The following SORCS2 variants were observed in gnomAD, a reference collection of about 807,000 sequenced individuals.
SORCS2 encodes VPS10 domain-containing receptor SorCS2.
Under a neutral mutation model 141.6 loss-of-function variants are expected in SORCS2, and 100 were observed. The observed-to-expected ratio is 0.71, with a 90% CI of 0.60 to 0.83. The LOEUF is 0.83. Ranked by LOEUF, SORCS2 falls within the 40% of genes least tolerant of loss-of-function variation. The pLI, the probability that SORCS2 is intolerant of heterozygous loss-of-function variation, is 0.00. For synonymous variants in SORCS2, 789 were observed against 676.9 expected (o/e 1.17, Z -2.57); for missense variants, 1,646 against 1,560.2 (o/e 1.05, Z -0.93).
At chr4:7,657,191 G>C (rs13145054) in intron 5 of SORCS2, among the ~76,000 whole-genome samples, 84,388 of 152,266 alleles carry the variant, frequency 0.55, 27,082 homozygotes, top group Non-Finnish European at 0.71. Flanking sequence ...GCTGTGGGAA[G>C]TGCTCAGAGC....
chr4:7,712,619 T>C lies in SORCS2; in HGVS notation c.1869-114T>C, dbSNP rs547926679. The C allele has an allele frequency of 1.4e-5, 20 of 1,452,476 alleles. No individual in the cohort carries two copies. The Admixed American group carries it at 2.1e-4, about 16-fold the overall frequency. The allele number at this position is 1,452,476 out of a possible 1,614,324, so 90.0% of individuals were successfully genotyped here. On this transcript the variant is annotated intron_variant, in intron 14 of 26. Coordinates refer to ENST00000507866, the MANE Select transcript of SORCS2 (RefSeq NM_020777.3). ...ATCTCCAGCAAGGGCAGGAGAAGGA[T>C]ATCTGTGCCCATGGTACAGGTAGGA...
chr4:7,615,123 TG>T (rs1455419025), intron 3 of SORCS2, among the ~76,000 whole-genome samples: 1 of 152,236 alleles, frequency 6.6e-6, no homozygotes, highest in Non-Finnish European at 1.5e-5. Flanking sequence ...GTCCTCCATC[TG>T]TTCATCCATC....
chr4:7,451,011 A>C (rs984161447), intron 2 of SORCS2, among the ~76,000 whole-genome samples: 2 of 150,888 alleles, frequency 1.3e-5, no homozygotes, highest in Non-Finnish European at 2.9e-5. Context: ...GGAGTGAATG[A>C]ATGAGGAAGT....
chr4:7,208,617 G>T (rs1235212358), intron 1 of SORCS2, among the ~76,000 whole-genome samples: 1 of 152,186 alleles, frequency 6.6e-6, no homozygotes, highest in African/African-American at 2.4e-5. Flanking sequence ...CCCCAGTCCT[G>T]GTCCCAGCGG....
intron 3 of SORCS2, among the ~76,000 whole-genome samples, chr4:7,538,394 C>G (rs370102124): frequency 1.3e-5 from 2 of 152,198 alleles, no homozygotes; most frequent in East Asian, 3.9e-4. Context: ...ATGCTCAGAT[C>G]AGCTTCGGGC....
At chr4:7,327,946 G>A (rs570438587) in intron 1 of SORCS2, among the ~76,000 whole-genome samples, 8 of 151,008 alleles carry the variant, frequency 5.3e-5, no homozygotes, top group East Asian at 3.9e-4. Flanking sequence ...ACTATGACAC[G>A]TCTCAGGAAC....
intron 3 of SORCS2, among the ~76,000 whole-genome samples, chr4:7,537,055 T>G (rs1000043739): frequency 6.6e-6 from 1 of 152,174 alleles, no homozygotes; most frequent in African/African-American, 2.4e-5. Flanking sequence ...CCCTTGCAGC[T>G]AAGTTCTAGC....
intron 12 of SORCS2, among the ~76,000 whole-genome samples, chr4:7,701,706 C>G (rs1725099129): frequency 6.6e-6 from 1 of 152,188 alleles, no homozygotes; most frequent in South Asian, 2.1e-4. Context: ...CATGTTCTTG[C>G]AGTGTGGATT....
chr4:7,257,614 C>T (rs191040370), intron 1 of SORCS2, among the ~76,000 whole-genome samples: 100 of 152,304 alleles, frequency 6.6e-4, no homozygotes, highest in African/African-American at 2.3e-3. Context: ...GTGTCCTTGA[C>T]AAGTCCCTTC....
At chr4:7,546,498 C>G (rs1713273414) in intron 3 of SORCS2, among the ~76,000 whole-genome samples, 1 of 151,982 alleles carries the variant, frequency 6.6e-6, no homozygotes. Flanking sequence ...TGTCTCAGCC[C>G]ACAGTAAACA....
At chr4:7,326,520 A>T (rs1022603589) in intron 1 of SORCS2, among the ~76,000 whole-genome samples, 1 of 151,978 alleles carries the variant, frequency 6.6e-6, no homozygotes, top group Non-Finnish European at 1.5e-5. Flanking sequence ...AACCTTGCCG[A>T]GGTCTGTTTT....
At chr4:7,347,366 G>A (rs1029721279) in intron 1 of SORCS2, among the ~76,000 whole-genome samples, 3 of 152,202 alleles carry the variant, frequency 2.0e-5, no homozygotes, top group African/African-American at 4.8e-5. Context: ...CATGGGCCAC[G>A]CCTCGTGCCG....
chr4:7,291,193 C>T (rs192997762), intron 1 of SORCS2, among the ~76,000 whole-genome samples: 229 of 152,162 alleles, frequency 1.5e-3, no homozygotes, highest in African/African-American at 4.9e-3. Flanking sequence ...GATGAGGCGG[C>T]GGTGGGGGCA....
At chr4:7,508,961 G>A (rs982546996) in intron 2 of SORCS2, among the ~76,000 whole-genome samples, 14 of 152,190 alleles carry the variant, frequency 9.2e-5, no homozygotes, top group Admixed American at 6.5e-4. Context: ...AGGGTGGCTC[G>A]GGAGATGCAG....
intron 2 of SORCS2, among the ~76,000 whole-genome samples, chr4:7,427,850 C>T (rs564752207): frequency 1.1e-4 from 16 of 152,004 alleles, no homozygotes; most frequent in Admixed American, 4.6e-4. Flanking sequence ...ACCGCCCCCC[C>T]GCCCCCCCGC....
chr4:7,528,365 C>T (rs1001311932), intron 2 of SORCS2, among the ~76,000 whole-genome samples: 1 of 150,194 alleles, frequency 6.7e-6, no homozygotes, highest in Non-Finnish European at 1.5e-5. Flanking sequence ...GCATTGTCTG[C>T]AGGGTGAGGG....
At chr4:7,591,357 G>T (rs191798633) in intron 3 of SORCS2, among the ~76,000 whole-genome samples, 76 of 152,304 alleles carry the variant, frequency 5.0e-4, no homozygotes, top group African/African-American at 1.8e-3. Flanking sequence ...GCTGGGAGGG[G>T]CTGGATTAGG....
chr4:7,681,795 T>C (rs952478019), intron 9 of SORCS2, among the ~76,000 whole-genome samples: 1 of 152,226 alleles, frequency 6.6e-6, no homozygotes. Flanking sequence ...AATAACTGTA[T>C]GCCGTTACTA....
intron 2 of SORCS2, among the ~76,000 whole-genome samples, chr4:7,469,851 CG>C (rs2109342651): frequency 6.6e-6 from 1 of 152,264 alleles, no homozygotes; most frequent in African/African-American, 2.4e-5. Flanking sequence ...CATGGGGAGG[CG>C]AACAGGCTTC....
Sources: allele counts gnomAD v4.1 joint callset (sites outside exome capture counted in the v4.1 genomes callset), GRCh38; gene constraint gnomAD v4.1.1; transcripts MANE v1.5; gene names NCBI Gene and HGNC (gene_info 2026-07-23, HGNC 2026-07-21).